SENP6: variants seen among roughly 807,000 people sequenced by gnomAD.
The protein encoded by SENP6 is sentrin-specific protease 6.
SENP6 carries 41 observed loss-of-function variants against 134.5 expected under a neutral mutation model. That is an observed-to-expected ratio of 0.30 (90% CI 0.24 to 0.40). SENP6 has a LOEUF of 0.40. Ranked by LOEUF, SENP6 falls within the 10% of genes least tolerant of loss-of-function variation. SENP6 has a pLI of 1.00. For synonymous variants in SENP6, 395 were observed against 429.8 expected (o/e 0.92, Z 1.00); for missense variants, 1,248 against 1,312.5 (o/e 0.95, Z 0.76).
intron 16 of SENP6, among the ~76,000 whole-genome samples, chr6:75,689,342 C>T (rs1171871709): frequency 1.3e-5 from 2 of 152,094 alleles, no homozygotes; most frequent in African/African-American, 4.8e-5. Context: ...CATCAGTAAT[C>T]ATTAGAGAAA....
rs1773257789 is a variant in SENP6 at position 75,678,682 on chromosome 6, C to G, written c.1948C>G (p.Pro650Ala). The G allele has an allele frequency of 6.3e-7, 1 of 1,578,138 alleles. No homozygotes were observed. Among genetic ancestry groups the G allele is most frequent in the South Asian group, 1.1e-5 (1 of 87,836 alleles). The stretch of plus-strand genomic sequence containing the variant: ...AGAAAACCACACCATCTTCATTGGC[C>G]CAGTAGAAAAGTGAGAGAATTCCTT... ...TGENHTIFIG[P>A]VEKLIVYPPP... is the part of the protein sequence containing the mutation. Residue 650 changes from proline (P) to alanine (A), a missense_variant, in exon 15 of 24, where the codon CCA (proline) becomes GCA (alanine). Transcript: ENST00000447266.
chr6:75,633,863 G>A (rs1561986879), intron 4 of SENP6, 137 bp downstream of exon 4: 13 of 563,036 alleles, frequency 2.3e-5, no homozygotes, highest in Non-Finnish European at 3.7e-5. Flanking sequence ...CATGGTCCCA[G>A]TATGTGGATT....
rs199689914 is a variant in SENP6 at position 75,699,222 on chromosome 6, C to CTAAGTTA, written c.2288+1706_2288+1707insAAGTTAT. 0.01 allele frequency among the ~76,000 whole-genome samples: 1,589 copies of CTAAGTTA among 152,014 alleles called. 53 individuals are homozygous for CTAAGTTA. The East Asian group carries it at 0.14, about 13-fold the overall frequency. On this transcript the variant is annotated intron_variant, in intron 18 of 23. Transcript: ENST00000447266. ...GGCGCATCCCTCTTAGTCACTATAC[C>CTAAGTTA]TCTGCATGGAAGTTATTATCAGTGC...
intron 5 of SENP6, among the ~76,000 whole-genome samples, chr6:75,638,977 G>A (rs957670789): frequency 2.0e-5 from 3 of 152,070 alleles, no homozygotes; most frequent in Non-Finnish European, 4.4e-5. Flanking sequence ...CTGAGCCTAG[G>A]GAGATCAAGG....
Position 75,602,509 on chromosome 6 carries a change from G to A in SENP6, c.-16G>A. The A allele has an allele frequency of 6.4e-7, 1 of 1,551,240 alleles. No individual in the cohort carries two copies. The highest frequency in any genetic ancestry group is 8.7e-7 in the Non-Finnish European group (1 of 1,146,910). Reference sequence around the variant, plus strand: ...TGGGCCATGGATTAAGAAGGAGGCGGCGTGGGAGGAGGAAGATGGCGGCCG... The same window carrying A: ...TGGGCCATGGATTAAGAAGGAGGCGACGTGGGAGGAGGAAGATGGCGGCCG... On this transcript the variant is annotated 5_prime_UTR_variant, in exon 1 of 24. Transcript: ENST00000447266.
intron 17 of SENP6, among the ~76,000 whole-genome samples, chr6:75,696,143 A>AT (rs1199389929): frequency 6.6e-6 from 1 of 152,020 alleles, no homozygotes; most frequent in Admixed American, 6.6e-5. Flanking sequence ...TAGTTTTGGA[A>AT]TTTTTTTTAA....
In SENP6 at chr6:75,678,670, ATCT is replaced by A. The variant is rs1562040856; in HGVS notation, c.1939_1941del (p.Phe647del). On this transcript the variant is annotated inframe_deletion, in exon 15 of 24. Coordinates refer to ENST00000447266, the MANE Select transcript of SENP6 (RefSeq NM_015571.4). ...AGAAGAAACTGGAGAAAACCACACC[ATCT>A]TCATTGGCCCAGTAGAAAAGTGAGA... The A allele has an allele frequency of 6.3e-7, 1 of 1,595,830 alleles. No homozygotes were observed. The highest frequency in any genetic ancestry group is 8.6e-7 in the Non-Finnish European group (1 of 1,165,826).
intron 11 of SENP6, among the ~76,000 whole-genome samples, chr6:75,674,060 T>C (rs542262407): frequency 7.2e-5 from 11 of 151,978 alleles, no homozygotes; most frequent in Non-Finnish European, 1.6e-4. Context: ...ATGTCATCAT[T>C]ATTGACACTT....
At chr6:75,602,879 G>A (rs1766743184) in intron 1 of SENP6, among the ~76,000 whole-genome samples, 1 of 152,206 alleles carries the variant, frequency 6.6e-6, no homozygotes, top group Non-Finnish European at 1.5e-5. Flanking sequence ...AAATTTTGGG[G>A]TGGTGGCCTA....
At position 75,627,945 on chromosome 6, in the gene SENP6, T is replaced by G. The variant is rs201658545; in HGVS notation, c.207+3985T>G. On this transcript the variant is annotated intron_variant, in intron 3 of 23. Transcript: ENST00000447266. ...CCTTGGCCTCCCGAAGTGCTGAGAT[T>G]ACAGGCGTGAGCCACCACGCCTGGC... Among the ~76,000 whole-genome samples, 15 of 152,260 alleles carry G rather than the reference T, an allele frequency of 9.9e-5. No homozygotes were observed. The East Asian group carries it at 2.7e-3, about 27-fold the overall frequency.
intron 1 of SENP6, among the ~76,000 whole-genome samples, chr6:75,619,443 CTATG>C (rs772857077): frequency 8.7e-4 from 63 of 72,792 alleles, no homozygotes; most frequent in East Asian, 1.2e-3. Flanking sequence ...TCCGTTGTGT[CTATG>C]TGTGTGTGTG....
At chr6:75,698,529 C>T (rs78738902) in intron 18 of SENP6, among the ~76,000 whole-genome samples, 3,317 of 151,922 alleles carry the variant, frequency 0.022, 58 homozygotes, top group East Asian at 0.11. Context: ...AGGTGAGGGT[C>T]TCACTGTGTT....
rs769330969 is a variant in SENP6 at position 75,709,543 on chromosome 6, C to T, written c.2733C>T (p.Ile911=). 1.9e-6 allele frequency: 3 copies of T among 1,613,048 alleles called. No homozygotes were observed. Among genetic ancestry groups the T allele is most frequent in the Non-Finnish European group, 2.5e-6 (3 of 1,179,312 alleles). Reference sequence around the variant, plus strand: ...TTGATACAGATGGCTTAAGCAAAATCAGACTAAACTATAGCGATGAATCAC... The same window carrying T: ...TTGATACAGATGGCTTAAGCAAAATTAGACTAAACTATAGCGATGAATCAC... ...STHHTDGLSK[I]RLNYSDESPE... is the part of the protein sequence containing the mutation. Residue 911 remains isoleucine (I), a synonymous_variant, in exon 20 of 24, where the codon ATC becomes ATT. Coordinates refer to ENST00000447266, the MANE Select transcript of SENP6 (RefSeq NM_015571.4).
At position 75,697,604 on chromosome 6, in the gene SENP6, A is replaced by T. The variant is rs752800757; in HGVS notation, c.2288+87A>T. 14 of 836,438 alleles carry T rather than the reference A, an allele frequency of 1.7e-5. No homozygotes were observed. In the East Asian group the frequency reaches 3.6e-4, roughly 22 times the overall value. The allele number at this position is 836,438 out of a possible 1,614,324, so 51.8% of individuals were successfully genotyped here. A position where few individuals can be genotyped will look rare whatever the true frequency, so the allele number is the denominator to read the frequency against. ...ATAATGAGTATGAGGTGAAGAATTC[A>T]TTTTAAAACATCTTTCTGAAATCTC... On this transcript the variant is annotated intron_variant, in intron 18 of 23. Coordinates refer to ENST00000447266, the MANE Select transcript of SENP6 (RefSeq NM_015571.4).
chr6:75,610,959 G>C (rs996856528), intron 1 of SENP6: 5 of 152,210 alleles, frequency 3.3e-5, no homozygotes, highest in Admixed American at 3.3e-4. Flanking sequence ...CCAATAGATG[G>C]TAAATTCACT....
At position 75,621,633 on chromosome 6, in the gene SENP6, T is replaced by C. The variant is rs1768276238; in HGVS notation, c.146+8T>C. On this transcript the variant is annotated splice_region_variant and intron_variant, in intron 2 of 23. Transcript: ENST00000447266. ...AGGAGATACAGATAAAGAGTAAGGA[T>C]TTTTTTTTCCCTCAGATGTTTTATA... The C allele has an allele frequency of 2.0e-6, 3 of 1,483,054 alleles. No homozygotes were observed. Among genetic ancestry groups the C allele is most frequent in the African/African-American group, 2.8e-5 (2 of 71,200 alleles). The allele number at this position is 1,483,054 out of a possible 1,614,324, so 91.9% of individuals were successfully genotyped here.
rs1214460903 is a variant in SENP6, at chr6:75,663,309, G to T, written c.785G>T (p.Gly262Val). 1 of 1,613,624 alleles carries T rather than the reference G, an allele frequency of 6.2e-7. No homozygotes were observed. The highest frequency in any genetic ancestry group is 1.1e-5 in the South Asian group (1 of 91,056). Residue 262 changes from glycine (G) to valine (V), a missense_variant, in exon 9 of 24, where the codon GGA (glycine) becomes GTA (valine). Coordinates refer to ENST00000447266, the MANE Select transcript of SENP6 (RefSeq NM_015571.4). ...ACGTCAATTCATCAGAATTCTGGAG[G>T]ACAGAAGTCACAAAACACAGGATTA... ...LRTSIHQNSGGQKSQNTGLTT... is the reference protein window; with the variant it reads ...LRTSIHQNSGVQKSQNTGLTT...
At position 75,660,920 on chromosome 6, in the gene SENP6, C is replaced by T. The variant is rs902755133; in HGVS notation, c.696+1513C>T. ...TGCTGGGATTACAGGCGTGAGCCAC[C>T]GCGCCTGGCCATTATTTTGTATTTC... On this transcript the variant is annotated intron_variant, in intron 8 of 23. Coordinates refer to ENST00000447266, the MANE Select transcript of SENP6 (RefSeq NM_015571.4). Among the ~76,000 whole-genome samples the T allele has an allele frequency of 3.3e-5, 5 of 152,198 alleles. No homozygotes were observed. In the East Asian group the frequency reaches 7.7e-4, roughly 24 times the overall value.
intron 15 of SENP6, 43 bp from the exon 16 acceptor site, chr6:75,678,768 T>C: frequency 7.3e-7 from 1 of 1,366,902 alleles, no homozygotes; most frequent in Non-Finnish European, 1.0e-6. Context: ...TGTGTATATA[T>C]ATATAGATTT....
Sources: gnomAD v4.1 joint callset for allele counts (sites outside exome capture counted in the v4.1 genomes callset) on GRCh38, gnomAD v4.1.1 for gene constraint, MANE v1.5 for transcripts, NCBI Gene and HGNC (gene_info 2026-07-23, HGNC 2026-07-21) for gene names.